Variants in GRIK4 observed in about 807,000 individuals in gnomAD.
The protein encoded by GRIK4 is glutamate receptor ionotropic, kainate 4.
GRIK4 carries 40 observed loss-of-function variants against 104.9 expected under a neutral mutation model. The ratio of observed to expected loss-of-function variants is 0.38; its 90% CI spans 0.30 to 0.50. The LOEUF is 0.50. Among genes scored for constraint, GRIK4 ranks in the 20% least tolerant of loss-of-function variants. The probability of loss-of-function intolerance (pLI) is 0.93; values close to 1 mark genes in which losing one functional copy is unlikely to be tolerated. For synonymous variants in GRIK4, 485 were observed against 524.9 expected (o/e 0.92, Z 1.04); for missense variants, 1,047 against 1,308.1 (o/e 0.80, Z 3.08).
intron 1 of GRIK4, among the ~76,000 whole-genome samples, chr11:120,534,651 T>C (rs920874269): frequency 6.6e-6 from 1 of 152,126 alleles, no homozygotes; most frequent in African/African-American, 2.4e-5. Flanking sequence ...GTAAGAGTCA[T>C]ACAGTGTCTA....
chr11:120,555,449 C>A lies in GRIK4; in HGVS notation c.-159+43562C>A, dbSNP rs1051491468. On this transcript the variant is annotated intron_variant, in intron 1 of 20. Transcript: ENST00000527524. This position sits in a 1 kb window ranked among gnomAD's most constrained non-coding sequence, Gnocchi z 5.3. ...AGAGCTTGCTAAAAAAGCTTTCTACCGGGCTGCTTATGTACTCGCCGAGCC... is the reference window on the plus strand; with the variant it reads ...AGAGCTTGCTAAAAAAGCTTTCTACAGGGCTGCTTATGTACTCGCCGAGCC... Among the ~76,000 whole-genome samples, 1 of 152,184 alleles carries A rather than the reference C, an allele frequency of 6.6e-6. No homozygotes were observed. Among genetic ancestry groups the A allele is most frequent in the African/African-American group, 2.4e-5 (1 of 41,444 alleles).
At chr11:120,935,906 G>T (rs1012141755) in intron 13 of GRIK4, among the ~76,000 whole-genome samples, 1 of 152,166 alleles carries the variant, frequency 6.6e-6, no homozygotes, top group Non-Finnish European at 1.5e-5. Flanking sequence ...ACACTGTACA[G>T]TTAAAAAACA....
chr11:120,757,472 A>G (rs1292783291), intron 3 of GRIK4, among the ~76,000 whole-genome samples: 3 of 152,202 alleles, frequency 2.0e-5, no homozygotes, highest in African/African-American at 4.8e-5. Context: ...GACTTAGAGT[A>G]TGGAAAATAG....
chr11:120,710,180 A>G (rs940660652), intron 3 of GRIK4, among the ~76,000 whole-genome samples: 1 of 151,580 alleles, frequency 6.6e-6, no homozygotes, highest in African/African-American at 2.4e-5. Flanking sequence ...ATTCCAATTA[A>G]TCTTTCTAGT....
At chr11:120,731,412 A>G (rs2135392010) in intron 3 of GRIK4, among the ~76,000 whole-genome samples, 1 of 152,278 alleles carries the variant, frequency 6.6e-6, no homozygotes, top group South Asian at 2.1e-4. Context: ...TCCCTGGGAT[A>G]AATCCTACTT....
intron 1 of GRIK4, chr11:120,575,850 T>C (rs1339347866): frequency 6.6e-6 from 1 of 151,802 alleles, no homozygotes; most frequent in Admixed American, 6.6e-5. Flanking sequence ...GTAATCCCAG[T>C]GCTTTGGGAC....
At chr11:120,825,791 G>A (rs1423909622) in intron 6 of GRIK4, among the ~76,000 whole-genome samples, 3 of 152,212 alleles carry the variant, frequency 2.0e-5, no homozygotes. Context: ...GTAATTGGAT[G>A]GGAAAGTAAC....
chr11:120,518,447 C>CTA (rs750366151), intron 1 of GRIK4, among the ~76,000 whole-genome samples: 10 of 152,024 alleles, frequency 6.6e-5, no homozygotes, highest in Non-Finnish European at 1.3e-4. Flanking sequence ...GGCAGCAAAG[C>CTA]TATATATATT....
At chr11:120,646,227 A>G (rs1949541028) in intron 1 of GRIK4, among the ~76,000 whole-genome samples, 1 of 152,224 alleles carries the variant, frequency 6.6e-6, no homozygotes, top group Non-Finnish European at 1.5e-5. Flanking sequence ...AGCACTTGCT[A>G]TTTGCAGGCA....
rs564358030 is a variant in GRIK4 at position 120,659,452 on chromosome 11, G to T, written c.-50-817G>T. Among the ~76,000 whole-genome samples, 55 of 152,308 alleles carry T rather than the reference G, an allele frequency of 3.6e-4. 1 individual carries two copies. In the East Asian group the frequency reaches 0.01, roughly 29 times the overall value. On this transcript the variant is annotated intron_variant, in intron 2 of 20. Coordinates refer to ENST00000527524, the MANE Select transcript of GRIK4 (RefSeq NM_014619.5). ...TTTAGGCCAGACCCTGAGCATGGTG[G>T]CTTCTCCGATGTTACCTTGATTCTT...
At chr11:120,566,244 C>A (rs189726572) in intron 1 of GRIK4, among the ~76,000 whole-genome samples, 1 of 152,208 alleles carries the variant, frequency 6.6e-6, no homozygotes, top group Non-Finnish European at 1.5e-5. Context: ...CAGAGATCTT[C>A]TGATCTAGGC....
At chr11:120,715,218 G>A (rs1950806774) in intron 3 of GRIK4, among the ~76,000 whole-genome samples, 1 of 152,194 alleles carries the variant, frequency 6.6e-6, no homozygotes, top group Admixed American at 6.5e-5. Context: ...TTGAAGCCAA[G>A]GATATGTGTG....
intron 3 of GRIK4, among the ~76,000 whole-genome samples, chr11:120,768,174 T>G (rs1290061808): frequency 2.0e-5 from 3 of 152,110 alleles, no homozygotes; most frequent in Non-Finnish European, 4.4e-5. Flanking sequence ...TTATTCTTAT[T>G]CATTAACATG....
rs998571242 is a variant in GRIK4, at chr11:120,605,178, G to A, written c.-158-48507G>A. ...AAAAAACTTTCCAAGTGATACTGAT[G>A]ACTGGCCAAGTTAGGGACCCCTGGG... On this transcript the variant is annotated intron_variant, in intron 1 of 20. Coordinates refer to ENST00000527524, the MANE Select transcript of GRIK4 (RefSeq NM_014619.5). 2.6e-5 allele frequency among the ~76,000 whole-genome samples: 4 copies of A among 152,314 alleles called. No homozygotes were observed. In the East Asian group the frequency reaches 7.7e-4, roughly 29 times the overall value.
At chr11:120,727,633 C>G (rs1036724290) in intron 3 of GRIK4, among the ~76,000 whole-genome samples, 1 of 151,904 alleles carries the variant, frequency 6.6e-6, no homozygotes, top group Admixed American at 6.6e-5. Context: ...AAATAAAAAC[C>G]TATGGCACAC....
chr11:120,752,368 C>T (rs555293234), intron 3 of GRIK4, among the ~76,000 whole-genome samples: 2 of 152,094 alleles, frequency 1.3e-5, no homozygotes, highest in Non-Finnish European at 2.9e-5. Flanking sequence ...GTCAGCAGAG[C>T]CCCCCCATGA....
intron 3 of GRIK4, among the ~76,000 whole-genome samples, chr11:120,707,191 C>A (rs575938323): frequency 5.3e-5 from 8 of 152,270 alleles, no homozygotes; most frequent in Admixed American, 3.9e-4. Flanking sequence ...AGACAAGAAC[C>A]CTGGGAAGCC....
chr11:120,621,272 A>G (rs1412898829), intron 1 of GRIK4, among the ~76,000 whole-genome samples: 1 of 152,146 alleles, frequency 6.6e-6, no homozygotes, highest in Admixed American at 6.5e-5. Flanking sequence ...CACACAGTCC[A>G]TTTTCTCCAA....
At chr11:120,911,282 A>G (rs1231684999) in intron 13 of GRIK4, among the ~76,000 whole-genome samples, 1 of 145,758 alleles carries the variant, frequency 6.9e-6, no homozygotes, top group Non-Finnish European at 1.5e-5. Flanking sequence ...TCTGTCACCC[A>G]GGCTGGAGTG....
Sources: allele counts gnomAD v4.1 joint callset (sites outside exome capture counted in the v4.1 genomes callset), GRCh38; gene constraint gnomAD v4.1.1; non-coding constraint Gnocchi (gnomAD v3.1); transcripts MANE v1.5; gene names NCBI Gene and HGNC (gene_info 2026-07-23, HGNC 2026-07-21).